Variants in CD46 observed in about 807,000 individuals in gnomAD.
CD46 encodes the protein membrane cofactor protein.
CD46 carries 30 observed loss-of-function variants against 53.3 expected under a neutral mutation model. The observed-to-expected ratio is 0.56, with a 90% CI of 0.42 to 0.76. CD46 has a LOEUF of 0.76. Ranked by LOEUF, CD46 falls within the 30% of genes least tolerant of loss-of-function variation. The pLI is 0.00. For synonymous variants in CD46, 142 were observed against 152.0 expected, an observed-to-expected ratio of 0.93 and a Z score of 0.48; for missense variants, 409 against 463.0, an observed-to-expected ratio of 0.88 and a Z score of 1.07.
At position 207,752,116 on chromosome 1, in the gene CD46, C is replaced by T. The variant is rs554681409; in HGVS notation, c.-97C>T. ...ATGCTTTGTGAGTTGGGGATTGTTG[C>T]GTCCCATATCTGGACCCAGAAGGGA... On this transcript the variant is annotated 5_prime_UTR_variant, in exon 1 of 13. Coordinates refer to ENST00000367042, the MANE Select transcript of CD46 (RefSeq NM_172351.3). The surrounding 1 kb of genome is among the most constrained non-coding windows in gnomAD (Gnocchi z 4.1). 3.6e-6 allele frequency: 4 copies of T among 1,107,454 alleles called. No homozygotes were observed. Among genetic ancestry groups the T allele is most frequent in the Admixed American group, 1.7e-5 (1 of 59,408 alleles). The allele number at this position is 1,107,454 out of a possible 1,614,324, so 68.6% of individuals were successfully genotyped here. A position where few individuals can be genotyped will look rare whatever the true frequency, so the allele number is the denominator to read the frequency against.
intron 1 of CD46, among the ~76,000 whole-genome samples, chr1:207,754,391 C>G (rs992233231): frequency 6.6e-6 from 1 of 152,126 alleles, no homozygotes; most frequent in African/African-American, 2.4e-5. Flanking sequence ...CGCGACCCCC[C>G]CATCTCAGGT....
At chr1:207,761,507 G>A (rs1656213104) in intron 5 of CD46, 61 bp downstream of exon 5, 2 of 1,347,666 alleles carry the variant, frequency 1.5e-6, no homozygotes, top group Non-Finnish European at 1.1e-6. Context: ...TTTGTAAATA[G>A]TTTCATCTAC....
At chr1:207,772,873 C>A (rs572394440) in intron 8 of CD46, among the ~76,000 whole-genome samples, 87 of 152,118 alleles carry the variant, frequency 5.7e-4, no homozygotes, top group African/African-American at 1.9e-3. Context: ...CTTTTTGTTG[C>A]ACCTCTACCA....
chr1:207,793,144 AC>A (rs1659961087), intron 12 of CD46, among the ~76,000 whole-genome samples: 1 of 152,208 alleles, frequency 6.6e-6, no homozygotes, highest in African/African-American at 2.4e-5. Context: ...AGTTAGAACC[AC>A]TATCTTTTTA....
chr1:207,784,967 TG>T, intron 9 of CD46, 103 bp from the exon 10 acceptor site: 1 of 933,580 alleles, frequency 1.1e-6, no homozygotes, highest in Non-Finnish European at 1.7e-6. Context: ...GAGATTTGGG[TG>T]GGGACACAGC....
chr1:207,785,861 A>G (rs1659225224), intron 11 of CD46, 179 bp downstream of exon 11: 4 of 568,460 alleles, frequency 7.0e-6, no homozygotes, highest in African/African-American at 5.7e-5. Context: ...AGCTACTTCT[A>G]ACATCACTGC....
At chr1:207,791,302 T>C (rs879840089) in intron 12 of CD46, among the ~76,000 whole-genome samples, 1 of 152,178 alleles carries the variant, frequency 6.6e-6, no homozygotes, top group Non-Finnish European at 1.5e-5. Flanking sequence ...ATCATTCAAT[T>C]TATAAATTAG....
chr1:207,782,874 C>T (rs942912071), intron 8 of CD46, among the ~76,000 whole-genome samples: 4 of 150,036 alleles, frequency 2.7e-5, no homozygotes, highest in East Asian at 2.0e-4. Context: ...AGGATGGTCT[C>T]GAACTCCTGA....
chr1:207,788,676 A>G (rs1659512402), intron 11 of CD46, among the ~76,000 whole-genome samples: 1 of 152,218 alleles, frequency 6.6e-6, no homozygotes, highest in Non-Finnish European at 1.5e-5. Context: ...TCCGGGGGTA[A>G]CTGGAAGCAG....
rs906005337 is a variant in CD46 at position 207,795,458 on chromosome 1, A to T, written c.*1981A>T. On this transcript the variant is annotated 3_prime_UTR_variant, in exon 13 of 13. Transcript: ENST00000367042. The stretch of plus-strand genomic sequence containing the variant: ...AGAGGTTCTTTATTGCTCATTTTTT[A>T]AAAAATGGACTCTTGAAATCTGTTA... The T allele has an allele frequency of 9.2e-5, 14 of 152,202 alleles. No individual in the cohort carries two copies. The highest frequency in any genetic ancestry group is 2.6e-4 in the Admixed American group (4 of 15,280). 9.4% of individuals were successfully genotyped at this position (152,202 alleles called of 1,614,324 possible). A position where few individuals can be genotyped will look rare whatever the true frequency, so the allele number is the denominator to read the frequency against.
At chr1:207,786,940 GAAAAC>G (rs1271135136) in intron 11 of CD46, among the ~76,000 whole-genome samples, 6 of 152,260 alleles carry the variant, frequency 3.9e-5, no homozygotes, top group Middle Eastern at 3.4e-3. Flanking sequence ...AAGTTCTAAA[GAAAAC>G]AAAACAAAGT....
At chr1:207,776,483 T>A (rs114776475) in intron 8 of CD46, among the ~76,000 whole-genome samples, 6,660 of 152,348 alleles carry the variant, frequency 0.044, 200 homozygotes, top group Non-Finnish European at 0.069. Context: ...TATTCAGCCA[T>A]CTTGGACAAG....
At chr1:207,761,677 CT>C (rs1345249287) in intron 5 of CD46, among the ~76,000 whole-genome samples, 1 of 151,034 alleles carries the variant, frequency 6.6e-6, no homozygotes, top group African/African-American at 2.4e-5. Context: ...GTGTGAACTA[CT>C]GTGTACCTGC....
At chr1:207,785,789 TTTA>T in intron 11 of CD46, 107 bp downstream of exon 11, 2 of 621,034 alleles carry the variant, frequency 3.2e-6, no homozygotes, top group Non-Finnish European at 2.7e-6. Context: ...TTTTTTTTTT[TTTA>T]AAAAAATGCC....
At chr1:207,761,013 A>T in intron 4 of CD46, 1 of 501,054 alleles carries the variant, frequency 2.0e-6, no homozygotes, top group Non-Finnish European at 3.6e-6. Flanking sequence ...TCCAAACCAT[A>T]TCAATAGGTA....
chr1:207,752,270 C>T lies in CD46; in HGVS notation c.58C>T (p.Leu20Phe). 6.2e-7 allele frequency: 1 copy of T among 1,614,164 alleles called. No homozygotes were observed. The highest frequency in any genetic ancestry group is 8.5e-7 in the Non-Finnish European group (1 of 1,180,010). The change falls in exon 1 of 13, where the codon CTT (leucine) becomes TTT (phenylalanine). Residue 20 changes from leucine (L) to phenylalanine (F), a missense_variant. Coordinates refer to ENST00000367042, the MANE Select transcript of CD46 (RefSeq NM_172351.3). This position sits in a 1 kb window ranked among gnomAD's most constrained non-coding sequence, Gnocchi z 4.1. ...TCCTTCCTGGCGCTTTCCTGGGTTG[C>T]TTCTGGCGGCCATGGTGTTGCTGCT... ...PFPSWRFPGL[L>F]LAAMVLLLYS...
chr1:207,778,919 T>C (rs1357972231), intron 8 of CD46, among the ~76,000 whole-genome samples: 2 of 152,214 alleles, frequency 1.3e-5, no homozygotes, highest in South Asian at 2.1e-4. Context: ...TCCATGAGCA[T>C]GGGATGTTTT....
chr1:207,773,208 G>C (rs1021737943), intron 8 of CD46, among the ~76,000 whole-genome samples: 15 of 152,188 alleles, frequency 9.9e-5, no homozygotes, highest in African/African-American at 3.6e-4. Flanking sequence ...AGTATTCTCT[G>C]ATGGTAGTTT....
rs1029210659 is a variant in CD46 at position 207,793,737 on chromosome 1, A to T, written c.*260A>T. 5 of 731,872 alleles carry T rather than the reference A, an allele frequency of 6.8e-6. No individual in the cohort carries two copies. The highest frequency in any genetic ancestry group is 1.2e-5 in the Non-Finnish European group (5 of 401,888). 45.3% of individuals were successfully genotyped at this position (731,872 alleles called of 1,614,324 possible). On this transcript the variant is annotated 3_prime_UTR_variant, in exon 13 of 13. Coordinates refer to ENST00000367042, the MANE Select transcript of CD46 (RefSeq NM_172351.3). ...GCTTGAATGTAGGTAGCATCCTTTGATGCTTCTTTGAAACTTGTATGAATT... is the reference window on the plus strand; with the variant it reads ...GCTTGAATGTAGGTAGCATCCTTTGTTGCTTCTTTGAAACTTGTATGAATT...
Sources: gnomAD v4.1 joint callset for allele counts (sites outside exome capture counted in the v4.1 genomes callset) on GRCh38, gnomAD v4.1.1 for gene constraint, Gnocchi (gnomAD v3.1) non-coding constraint, MANE v1.5 for transcripts, NCBI Gene and HGNC (gene_info 2026-07-23, HGNC 2026-07-21) for gene names.